Variants in DEFB119 observed in about 807,000 individuals in gnomAD.
DEFB119 encodes defensin beta 119.
In DEFB119, 3 loss-of-function variants were observed where a neutral mutation model predicts 2.5. The observed-to-expected ratio is 1.19, with a 90% CI of 0.54 to 3.07. The LOEUF is 3.07. Among genes scored for constraint, DEFB119 ranks in the 30% most tolerant of loss-of-function variants. The pLI is 0.03. For synonymous variants in DEFB119, 29 were observed against 33.7 expected (o/e 0.86, Z 0.48); for missense variants, 113 against 101.1 (o/e 1.12, Z -0.50).
At chr20:31,381,562 C>T (rs771653317) in intron 1 of DEFB119, among the ~76,000 whole-genome samples, 3 of 152,218 alleles carry the variant, frequency 2.0e-5, no homozygotes, top group Non-Finnish European at 2.9e-5. Context: ...CCTGTAATCC[C>T]GGCACTTTGT....
rs149445172 is a variant in DEFB119, at chr20:31,387,720, G to A, written c.61+2703C>T. 6.9e-4 allele frequency among the ~76,000 whole-genome samples: 105 copies of A among 152,226 alleles called. No individual in the cohort carries two copies. The South Asian group carries it at 7.7e-3, about 11-fold the overall frequency. ...CTCCAGGGAGGGACCTTGAGGAAAG[G>A]CCCCTGCAGCTCCTTGAAGCAGGCA... On this transcript the variant is annotated intron_variant, in intron 1 of 1. Transcript: ENST00000376321.
chr20:31,389,296 G>T, intron 1 of DEFB119: 1 of 1,604,046 alleles, frequency 6.2e-7, no homozygotes, highest in Non-Finnish European at 8.5e-7. Context: ...AAAAGACAAG[G>T]CAGAGGAGGA....
At chr20:31,389,188 TC>T in intron 1 of DEFB119, 1 of 1,614,166 alleles carries the variant, frequency 6.2e-7, no homozygotes, top group Non-Finnish European at 8.5e-7. Flanking sequence ...GTCTTCACCA[TC>T]TTTGCACAAC....
chr20:31,380,744 G>A (rs1002235060), intron 1 of DEFB119, among the ~76,000 whole-genome samples: 6 of 151,666 alleles, frequency 4.0e-5, no homozygotes, highest in African/African-American at 1.2e-4. Flanking sequence ...ACTTCTATGA[G>A]GCTATTTCTG....
At chr20:31,387,352 C>T (rs1422951364) in intron 1 of DEFB119, among the ~76,000 whole-genome samples, 1 of 152,190 alleles carries the variant, frequency 6.6e-6, no homozygotes, top group Non-Finnish European at 1.5e-5. Context: ...ACAACCCTAA[C>T]ATTTGCAGGT....
chr20:31,389,862 C>G (rs1986859998), intron 1 of DEFB119, among the ~76,000 whole-genome samples: 1 of 152,000 alleles, frequency 6.6e-6, no homozygotes, highest in Admixed American at 6.6e-5. Context: ...TCACTAACCT[C>G]AATTCCCAGC....
At position 31,378,394 on chromosome 20, in the gene DEFB119, G is replaced by A. The variant is rs371214382; in HGVS notation, c.62-955C>T. On this transcript the variant is annotated intron_variant, in intron 1 of 1. Coordinates refer to ENST00000376321, the MANE Select transcript of DEFB119 (RefSeq NM_153289.4). ...GCATCCCACTGTCCTCACCAGAGCT[G>A]TATCAGAGGAGACAAGCCAACAAAG... The A allele has an allele frequency of 3.7e-6, 6 of 1,614,026 alleles. No individual in the cohort carries two copies. The South Asian group carries it at 6.6e-5, about 18-fold the overall frequency.
intron 1 of DEFB119, among the ~76,000 whole-genome samples, chr20:31,383,079 C>T (rs749845894): frequency 2.6e-4 from 40 of 152,284 alleles, no homozygotes; most frequent in Middle Eastern, 3.4e-3. Context: ...GAACTGTGTA[C>T]GTAGCTAAAA....
chr20:31,382,365 G>A (rs1047027541), intron 1 of DEFB119, among the ~76,000 whole-genome samples: 3 of 151,888 alleles, frequency 2.0e-5, no homozygotes, highest in African/African-American at 7.3e-5. Context: ...TGTATCCTGG[G>A]GCAAGTTTCT....
At chr20:31,382,394 C>T (rs1236816486) in intron 1 of DEFB119, among the ~76,000 whole-genome samples, 1 of 152,148 alleles carries the variant, frequency 6.6e-6, no homozygotes, top group Non-Finnish European at 1.5e-5. Context: ...CTGTTCTACC[C>T]TTTTTCTCAT....
chr20:31,388,340 AT>A, intron 1 of DEFB119: 1 of 981,710 alleles, frequency 1.0e-6, no homozygotes, highest in Non-Finnish European at 1.2e-6. Flanking sequence ...TTATTATGTC[AT>A]TTCATCCTTA....
Position 31,387,919 on chromosome 20 carries a change from G to C in DEFB119, c.61+2504C>G, listed in dbSNP as rs1341037500. ...GGGCCCCTCTTTCCAGAGTCTAAGG[G>C]CAGAAATATTGAGCTGAGAGCAAAT... On this transcript the variant is annotated intron_variant, in intron 1 of 1. Coordinates refer to ENST00000376321, the MANE Select transcript of DEFB119 (RefSeq NM_153289.4). Among the ~76,000 whole-genome samples the C allele has an allele frequency of 2.0e-5, 3 of 152,268 alleles. No individual in the cohort carries two copies. The East Asian group carries it at 5.8e-4, about 29-fold the overall frequency.
In DEFB119 at chr20:31,381,454, C is replaced by T. The variant is rs117724651; in HGVS notation, c.62-4015G>A. 5.0e-4 allele frequency among the ~76,000 whole-genome samples: 76 copies of T among 152,296 alleles called. No homozygotes were observed. The East Asian group carries it at 0.014, about 29-fold the overall frequency. On this transcript the variant is annotated intron_variant, in intron 1 of 1. Coordinates refer to ENST00000376321, the MANE Select transcript of DEFB119 (RefSeq NM_153289.4). ...TCCTTTTCTTGCATTAATGCAATGGCTAGAAATACTCAGAACTAAAAGGAA... is the reference window on the plus strand; with the variant it reads ...TCCTTTTCTTGCATTAATGCAATGGTTAGAAATACTCAGAACTAAAAGGAA...
intron 1 of DEFB119, among the ~76,000 whole-genome samples, chr20:31,381,797 C>T (rs1986515684): frequency 6.6e-6 from 1 of 150,828 alleles, no homozygotes; most frequent in East Asian, 1.9e-4. Context: ...GGCGACAGAG[C>T]CAGACACTGT....
chr20:31,377,433 C>T lies in DEFB119; in HGVS notation c.68G>A (p.Arg23His), dbSNP rs746865254. 33 of 1,609,006 alleles carry T rather than the reference C, an allele frequency of 2.1e-5. 2 individuals carry two copies. In the South Asian group the frequency reaches 2.4e-4, roughly 12 times the overall value. Residue 23 changes from arginine to histidine, a missense_variant, in exon 2 of 2, where the codon CGC becomes CAC. Physicochemically the swap from Arg to His is conservative, Grantham distance 29 (BLOSUM62 0). Coordinates refer to ENST00000376321, the MANE Select transcript of DEFB119 (RefSeq NM_153289.4). ...AIEEPVISGK[R>H]HILRCMGNSG... is the part of the protein sequence containing the mutation. ...GTTACCCATGCATCGAAGGATGTGGCGTTTGCCTGCCAAAGGAAAAAAAAT... is the reference window on the plus strand; with the variant it reads ...GTTACCCATGCATCGAAGGATGTGGTGTTTGCCTGCCAAAGGAAAAAAAAT...
chr20:31,389,022 T>C (rs1986819976), intron 1 of DEFB119: 2 of 1,613,626 alleles, frequency 1.2e-6, no homozygotes, highest in Non-Finnish European at 1.7e-6. Context: ...AACAAAGTCA[T>C]TTCTATCTAT....
chr20:31,378,253 T>G, intron 1 of DEFB119: 1 of 1,569,384 alleles, frequency 6.4e-7, no homozygotes, highest in South Asian at 1.1e-5. Flanking sequence ...GGGCCACCAC[T>G]CCCTGAGATG....
Position 31,390,413 on chromosome 20 carries a change from T to A in DEFB119, c.61+10A>T, listed in dbSNP as rs2206381. 6.2e-7 allele frequency: 1 copy of A among 1,610,668 alleles called. No homozygotes were observed. The highest frequency in any genetic ancestry group is 1.1e-5 in the South Asian group (1 of 90,606). ...CAGGAACCCAGACCCCCGAGAGAGG[T>A]TCACGTTACCTGATATCACTGGTTC... On this transcript the variant is annotated intron_variant, in intron 1 of 1. Transcript: ENST00000376321.
intron 1 of DEFB119, chr20:31,389,340 C>T (rs956140084): frequency 7.0e-7 from 1 of 1,427,732 alleles, no homozygotes. Flanking sequence ...AGAAAGCCAG[C>T]TGAGTGAGTA....
Sources: allele counts gnomAD v4.1 joint callset (sites outside exome capture counted in the v4.1 genomes callset), GRCh38; gene constraint gnomAD v4.1.1; transcripts MANE v1.5; gene names NCBI Gene and HGNC (gene_info 2026-07-23, HGNC 2026-07-21).